Variants in PLD5 observed in about 807,000 individuals in gnomAD.
PLD5 encodes phospholipase D family member 5.
In PLD5, 36 loss-of-function variants were observed where a neutral mutation model predicts 61.1. The observed-to-expected ratio is 0.59, with a 90% confidence interval of 0.45 to 0.78. The LOEUF is 0.78. Among genes scored for constraint, PLD5 ranks in the 30% least tolerant of loss-of-function variants. The pLI is 0.00. For synonymous variants in PLD5, 243 were observed against 242.8 expected (o/e 1.00, Z -0.01); for missense variants, 515 against 644.4 (o/e 0.80, Z 2.17).
intron 1 of PLD5, among the ~76,000 whole-genome samples, chr1:242,420,748 G>A (rs1665091502): frequency 1.3e-5 from 2 of 152,156 alleles, no homozygotes; most frequent in Non-Finnish European, 2.9e-5. Flanking sequence ...CATGAATGCA[G>A]TGGTATGTAG....
At chr1:242,443,473 G>A (rs1007268581) in intron 1 of PLD5, among the ~76,000 whole-genome samples, 8 of 152,142 alleles carry the variant, frequency 5.3e-5, no homozygotes, top group African/African-American at 1.7e-4. Context: ...CCAGTAAGCA[G>A]ATGCCCAGAG....
intron 2 of PLD5, among the ~76,000 whole-genome samples, chr1:242,289,863 T>C (rs1362605655): frequency 6.6e-6 from 1 of 151,938 alleles, no homozygotes; most frequent in Admixed American, 6.6e-5. Context: ...ACATGTTGCA[T>C]TTAGCCAGCT....
intron 5 of PLD5, among the ~76,000 whole-genome samples, chr1:242,163,174 C>T (rs1665996017): frequency 1.4e-5 from 2 of 141,820 alleles, no homozygotes; most frequent in African/African-American, 2.7e-5. Flanking sequence ...GACGGAGTCT[C>T]ACTCTGTCAC....
At chr1:242,289,415 C>T (rs2149138970) in intron 2 of PLD5, among the ~76,000 whole-genome samples, 1 of 152,292 alleles carries the variant, frequency 6.6e-6, no homozygotes, top group East Asian at 1.9e-4. Flanking sequence ...GTGGTGCGAT[C>T]TTGGCTCACT....
chr1:242,309,303 G>A (rs1046411202), intron 2 of PLD5, among the ~76,000 whole-genome samples: 3 of 124,540 alleles, frequency 2.4e-5, no homozygotes, highest in Non-Finnish European at 5.1e-5. Context: ...GCCTTGGGCT[G>A]ATAAAACCCA....
At chr1:242,423,869 G>T (rs969236990) in intron 1 of PLD5, among the ~76,000 whole-genome samples, 1 of 152,066 alleles carries the variant, frequency 6.6e-6, no homozygotes, top group African/African-American at 2.4e-5. Context: ...CCAGAAAAAG[G>T]CACTCTAACA....
intron 1 of PLD5, among the ~76,000 whole-genome samples, chr1:242,503,307 C>G (rs1668616992): frequency 6.6e-6 from 1 of 152,114 alleles, no homozygotes; most frequent in Non-Finnish European, 1.5e-5. Flanking sequence ...TGTGGCCCCT[C>G]CCATTCACTC....
intron 1 of PLD5, among the ~76,000 whole-genome samples, chr1:242,465,655 A>ACGGCCGGG (rs1667252077): frequency 6.6e-6 from 1 of 152,046 alleles, no homozygotes; most frequent in Non-Finnish European, 1.5e-5. Flanking sequence ...ACGGCCGGGC[A>ACGGCCGGG]CAGTGGCCTA....
intron 5 of PLD5, among the ~76,000 whole-genome samples, chr1:242,131,776 TAAAAA>T (rs1030960446): frequency 6.0e-5 from 9 of 150,834 alleles, no homozygotes; most frequent in African/African-American, 2.2e-4. Context: ...GGTTTCAAAA[TAAAAA>T]TAAGAATTAG....
chr1:242,217,588 C>T (rs565530912), intron 5 of PLD5, among the ~76,000 whole-genome samples: 1 of 152,218 alleles, frequency 6.6e-6, no homozygotes, highest in East Asian at 1.9e-4. Flanking sequence ...TGCACTCTAG[C>T]CTGGGCGACA....
intron 1 of PLD5, among the ~76,000 whole-genome samples, chr1:242,425,351 A>G (rs983083193): frequency 6.6e-6 from 1 of 152,164 alleles, no homozygotes; most frequent in African/African-American, 2.4e-5. Flanking sequence ...AGGGAATTAT[A>G]ACACAATGGT....
At chr1:242,442,144 TA>T (rs961683481) in intron 1 of PLD5, among the ~76,000 whole-genome samples, 8 of 152,172 alleles carry the variant, frequency 5.3e-5, no homozygotes, top group Non-Finnish European at 1.0e-4. Flanking sequence ...CCCAGTGATT[TA>T]AAAAATACCT....
At chr1:242,286,524 C>T (rs1221632720) in intron 3 of PLD5, among the ~76,000 whole-genome samples, 1 of 152,108 alleles carries the variant, frequency 6.6e-6, no homozygotes, top group East Asian at 1.9e-4. Context: ...AATAAACACA[C>T]TTAATGAAGT....
chr1:242,167,948 T>A (rs1666447925), intron 5 of PLD5, among the ~76,000 whole-genome samples: 1 of 152,248 alleles, frequency 6.6e-6, no homozygotes, highest in South Asian at 2.1e-4. Flanking sequence ...AAGTGGTTCC[T>A]CACCAGAGTG....
chr1:242,464,827 G>A (rs1305145040), intron 1 of PLD5, among the ~76,000 whole-genome samples: 1 of 152,224 alleles, frequency 6.6e-6, no homozygotes, highest in Non-Finnish European at 1.5e-5. Context: ...ACCCTAAAGA[G>A]GAGTGAAGTG....
intron 1 of PLD5, among the ~76,000 whole-genome samples, chr1:242,487,127 G>T (rs1222395052): frequency 4.0e-5 from 6 of 151,890 alleles, no homozygotes; most frequent in Admixed American, 6.6e-5. Flanking sequence ...CGAGTTAATG[G>T]GTGCAGCACA....
chr1:242,311,507 A>C (rs1676696468), intron 2 of PLD5, among the ~76,000 whole-genome samples: 1 of 152,180 alleles, frequency 6.6e-6, no homozygotes, highest in African/African-American at 2.4e-5. Flanking sequence ...TAAGAGAATG[A>C]GCTTTGCACT....
intron 2 of PLD5, among the ~76,000 whole-genome samples, chr1:242,329,870 A>G (rs1379997675): frequency 6.6e-6 from 1 of 152,180 alleles, no homozygotes; most frequent in Admixed American, 6.5e-5. Context: ...TACAGAAGGG[A>G]AAACCCAGCT....
chr1:242,305,964 A>T (rs770232492), intron 2 of PLD5, among the ~76,000 whole-genome samples: 71 of 152,182 alleles, frequency 4.7e-4, no homozygotes, highest in South Asian at 2.1e-4. Context: ...AAGGGGGGGA[A>T]GTCCATGGGT....
Sources: allele counts gnomAD v4.1 joint callset (sites outside exome capture counted in the v4.1 genomes callset), GRCh38; gene constraint gnomAD v4.1.1; transcripts MANE v1.5; gene names NCBI Gene and HGNC (gene_info 2026-07-23, HGNC 2026-07-21).